Variants in SOX5 observed in about 807,000 individuals in gnomAD.
SOX5 encodes SRY-box transcription factor 5, also known as transcription factor SOX-5.
SOX5 carries 9 observed loss-of-function variants against 92.0 expected under a neutral mutation model. The ratio of observed to expected loss-of-function variants is 0.10; its 90% CI spans 0.06 to 0.17. The LOEUF (loss-of-function observed/expected upper bound fraction) is 0.17. Ranked by LOEUF, SOX5 falls within the 10% of genes least tolerant of loss-of-function variation. SOX5 has a pLI of 1.00. For missense variants in SOX5, 642 were observed against 944.5 expected, an observed-to-expected ratio of 0.68 and a Z score of 4.20; for synonymous variants, 344 against 336.3, an observed-to-expected ratio of 1.02 and a Z score of -0.25.
chr12:24,368,587 G>A (rs1342572790), exon 2 of SOX5: 2 of 152,124 alleles, frequency 1.3e-5, no homozygotes, highest in African/African-American at 2.4e-5. Context: ...AACTCCTTGT[G>A]GGCAGGAACA....
intron 1 of SOX5, among the ~76,000 whole-genome samples, chr12:23,910,685 C>G (rs1393729196): frequency 6.6e-6 from 1 of 152,100 alleles, no homozygotes; most frequent in Non-Finnish European, 1.5e-5. Flanking sequence ...AATATTTGAA[C>G]ATTATTAAAT....
At chr12:23,750,780 A>G (rs905921583) in intron 4 of SOX5, among the ~76,000 whole-genome samples, 1 of 151,902 alleles carries the variant, frequency 6.6e-6, no homozygotes, top group East Asian at 1.9e-4. Context: ...AGTACCTTAA[A>G]AAGTACAAAG....
At chr12:24,510,918 G>A (rs1360394864) in intron 1 of SOX5, among the ~76,000 whole-genome samples, 1 of 152,170 alleles carries the variant, frequency 6.6e-6, no homozygotes, top group Non-Finnish European at 1.5e-5. Flanking sequence ...AGGAAGAGAA[G>A]CCAAGGGAAT....
chr12:24,223,894 T>C (rs1267082243), intron 3 of SOX5, among the ~76,000 whole-genome samples: 1 of 152,254 alleles, frequency 6.6e-6, no homozygotes. Context: ...AGATGCTTTT[T>C]CTGTGACACT....
At chr12:23,872,330 CT>C (rs1227826508) in intron 2 of SOX5, among the ~76,000 whole-genome samples, 2 of 151,812 alleles carry the variant, frequency 1.3e-5, no homozygotes, top group Non-Finnish European at 2.9e-5. Context: ...CTTACTGAAT[CT>C]TTTGTACATG....
intron 7 of SOX5, among the ~76,000 whole-genome samples, chr12:23,652,147 A>C (rs2081653584): frequency 6.6e-6 from 1 of 152,008 alleles, no homozygotes; most frequent in Non-Finnish European, 1.5e-5. Context: ...ATGCTTTATA[A>C]ATTTACTAAT....
At chr12:23,575,209 T>C (rs183635732) in intron 10 of SOX5, among the ~76,000 whole-genome samples, 1 of 152,294 alleles carries the variant, frequency 6.6e-6, no homozygotes, top group East Asian at 1.9e-4. Context: ...TTGCAAGTAA[T>C]CCTCAAACAG....
chr12:24,203,857 A>C (rs566942518), intron 4 of SOX5, among the ~76,000 whole-genome samples: 2 of 152,344 alleles, frequency 1.3e-5, no homozygotes, highest in East Asian at 3.9e-4. Context: ...GTAATTCCTA[A>C]GAATATGGTT....
At chr12:23,864,732 G>A (rs1273947372) in intron 2 of SOX5, among the ~76,000 whole-genome samples, 2 of 152,174 alleles carry the variant, frequency 1.3e-5, no homozygotes, top group African/African-American at 4.8e-5. Context: ...AGCAGAGGTT[G>A]GCTCATGAGA....
chr12:23,999,657 C>G (rs985325650), intron 4 of SOX5, among the ~76,000 whole-genome samples: 2 of 151,902 alleles, frequency 1.3e-5, no homozygotes, highest in African/African-American at 2.4e-5. Flanking sequence ...AAGTCTTTTA[C>G]TTTAAAAAAT....
At chr12:23,741,584 A>C (rs1212712147) in intron 4 of SOX5, among the ~76,000 whole-genome samples, 4 of 151,066 alleles carry the variant, frequency 2.6e-5, no homozygotes, top group Admixed American at 2.6e-4. Flanking sequence ...TCCCTTTCTT[A>C]AAAAAAAAGT....
chr12:23,605,049 A>G (rs1253358576), intron 8 of SOX5, among the ~76,000 whole-genome samples: 1 of 152,180 alleles, frequency 6.6e-6, no homozygotes, highest in Non-Finnish European at 1.5e-5. Flanking sequence ...AAGTACTTGA[A>G]GAAGATTATC....
At chr12:24,191,622 T>G (rs1956536569) in intron 4 of SOX5, among the ~76,000 whole-genome samples, 1 of 152,228 alleles carries the variant, frequency 6.6e-6, no homozygotes, top group Non-Finnish European at 1.5e-5. Context: ...GTTGCTATAA[T>G]CTGCTCCAAT....
chr12:24,034,302 T>C (rs768059504), intron 4 of SOX5, among the ~76,000 whole-genome samples: 2 of 152,144 alleles, frequency 1.3e-5, no homozygotes, highest in African/African-American at 4.8e-5. Flanking sequence ...TATTAACTTT[T>C]AAAATGAAGC....
intron 6 of SOX5, among the ~76,000 whole-genome samples, chr12:23,688,111 C>G (rs182191751): frequency 4.1e-4 from 63 of 152,162 alleles, no homozygotes; most frequent in Admixed American, 3.7e-3. Flanking sequence ...GCTGTACTTA[C>G]ATCTTGCTTG....
At chr12:23,769,962 A>G (rs1483471352) in intron 3 of SOX5, among the ~76,000 whole-genome samples, 1 of 150,498 alleles carries the variant, frequency 6.6e-6, no homozygotes, top group East Asian at 2.0e-4. Context: ...TTATAATGAG[A>G]TGGCCGGGTG....
chr12:23,777,332 G>A (rs1313148500), intron 3 of SOX5, among the ~76,000 whole-genome samples: 1 of 152,140 alleles, frequency 6.6e-6, no homozygotes, highest in African/African-American at 2.4e-5. Context: ...TTATACTGTG[G>A]ATACAGGCAG....
intron 4 of SOX5, among the ~76,000 whole-genome samples, chr12:24,030,468 C>T (rs1955374712): frequency 6.6e-6 from 1 of 151,774 alleles, no homozygotes. Flanking sequence ...CAATGAATAG[C>T]ACTGGGGGTA....
intron 4 of SOX5, among the ~76,000 whole-genome samples, chr12:24,151,553 A>C (rs1951653467): frequency 6.6e-6 from 1 of 152,136 alleles, no homozygotes; most frequent in Non-Finnish European, 1.5e-5. Flanking sequence ...AGTGATGATG[A>C]TGATAATGTG....
Sources: allele counts gnomAD v4.1 joint callset (sites outside exome capture counted in the v4.1 genomes callset), GRCh38; gene constraint gnomAD v4.1.1; transcripts MANE v1.5; gene names NCBI Gene and HGNC (gene_info 2026-07-23, HGNC 2026-07-21).